PTPRN2: variants seen among roughly 807,000 people sequenced by gnomAD.
The protein encoded by PTPRN2 is protein tyrosine phosphatase receptor type N2.
Under a neutral mutation model 118.8 loss-of-function variants are expected in PTPRN2, and 74 were observed. The ratio of observed to expected loss-of-function variants is 0.62; its 90% CI spans 0.52 to 0.76. The LOEUF (loss-of-function observed/expected upper bound fraction) is 0.76. Ranked by LOEUF, PTPRN2 falls within the 30% of genes least tolerant of loss-of-function variation. The pLI is 0.00. For synonymous variants in PTPRN2, 641 were observed against 608.0 expected, an observed-to-expected ratio of 1.05 and a Z score of -0.80; for missense variants, 1,481 against 1,394.4, an observed-to-expected ratio of 1.06 and a Z score of -0.99.
chr7:157,800,933 C>T (rs1051281368), intron 12 of PTPRN2, among the ~76,000 whole-genome samples: 2 of 151,308 alleles, frequency 1.3e-5, no homozygotes, highest in Non-Finnish European at 2.9e-5. Flanking sequence ...GCCTGGGCAA[C>T]AGAGAGAGAC....
intron 12 of PTPRN2, among the ~76,000 whole-genome samples, chr7:157,704,707 T>C (rs1024576180): frequency 2.0e-5 from 3 of 152,336 alleles, no homozygotes; most frequent in African/African-American, 7.2e-5. Context: ...CAGGAACCAC[T>C]GGAGTCAGAA....
At chr7:157,734,830 G>A (rs1800206778) in intron 12 of PTPRN2, among the ~76,000 whole-genome samples, 1 of 152,224 alleles carries the variant, frequency 6.6e-6, no homozygotes, top group Non-Finnish European at 1.5e-5. Context: ...CAGCAGGGCA[G>A]CCAGCCAGAG....
At chr7:158,458,574 G>A (rs147083091) in intron 2 of PTPRN2, among the ~76,000 whole-genome samples, 1,861 of 152,130 alleles carry the variant, frequency 0.012, 33 homozygotes, top group African/African-American at 0.042. Flanking sequence ...GTCGACCGCC[G>A]GAGCCCTGAC....
At chr7:158,137,435 A>G (rs1365191076) in intron 7 of PTPRN2, among the ~76,000 whole-genome samples, 3 of 152,124 alleles carry the variant, frequency 2.0e-5, no homozygotes, top group South Asian at 4.1e-4. Flanking sequence ...AAATAAAATA[A>G]TAAATAAATT....
Position 157,990,335 on chromosome 7 carries a change from C to T in PTPRN2, c.1723+90963G>A, listed in dbSNP as rs1489336998. Among the ~76,000 whole-genome samples, 2 of 152,010 alleles carry T rather than the reference C, an allele frequency of 1.3e-5. No individual in the cohort carries two copies. Among genetic ancestry groups the T allele is most frequent in the Admixed American group, 6.6e-5 (1 of 15,262 alleles). ...TGACCTGGAGCACAGAGGGGAGGGACGGGGACAGGTGCAGCAGAGATTGGG... is the reference window on the plus strand; with the variant it reads ...TGACCTGGAGCACAGAGGGGAGGGATGGGGACAGGTGCAGCAGAGATTGGG... On this transcript the variant is annotated intron_variant, in intron 11 of 22. Transcript: ENST00000389418. This position sits in a 1 kb window ranked among gnomAD's most constrained non-coding sequence, Gnocchi z 4.3.
chr7:157,742,242 G>A (rs58271818), intron 12 of PTPRN2, among the ~76,000 whole-genome samples: 14,606 of 152,168 alleles, frequency 0.096, 745 homozygotes, highest in South Asian at 0.17. Flanking sequence ...CTGGGGTAAC[G>A]CGTTATTTAC....
At chr7:158,310,695 C>G (rs919130227) in intron 3 of PTPRN2, among the ~76,000 whole-genome samples, 1 of 151,238 alleles carries the variant, frequency 6.6e-6, no homozygotes, top group African/African-American at 2.4e-5. Context: ...GCAAGTCCCA[C>G]GGAGGGCGAG....
intron 11 of PTPRN2, among the ~76,000 whole-genome samples, chr7:158,033,015 G>A (rs539730996): frequency 3.5e-4 from 53 of 151,882 alleles, no homozygotes; most frequent in African/African-American, 1.1e-3. Context: ...TCTGTAAGTC[G>A]CTCACTGATG....
chr7:157,809,271 C>T (rs576952037), intron 12 of PTPRN2, among the ~76,000 whole-genome samples: 23 of 150,984 alleles, frequency 1.5e-4, no homozygotes, highest in Admixed American at 9.2e-4. Flanking sequence ...GGAAGGAGCC[C>T]GGCACCACCC....
At chr7:158,214,646 A>G (rs1262555436) in intron 3 of PTPRN2, among the ~76,000 whole-genome samples, 2 of 152,172 alleles carry the variant, frequency 1.3e-5, no homozygotes, top group African/African-American at 4.8e-5. Flanking sequence ...AGGTAGTGTC[A>G]GAGAAGGCCA....
intron 12 of PTPRN2, among the ~76,000 whole-genome samples, chr7:157,712,673 C>T (rs924767957): frequency 9.0e-5 from 13 of 144,190 alleles, no homozygotes; most frequent in Admixed American, 1.5e-4. Context: ...ATTGCTTGAA[C>T]GGAGGAGGTG....
chr7:158,344,898 C>T (rs1360961156), intron 2 of PTPRN2, among the ~76,000 whole-genome samples: 1 of 152,174 alleles, frequency 6.6e-6, no homozygotes, highest in Non-Finnish European at 1.5e-5. Context: ...TGCACATGTC[C>T]TGTCAGCCCT....
chr7:157,804,508 C>T (rs1033313318), intron 12 of PTPRN2, among the ~76,000 whole-genome samples: 2 of 148,730 alleles, frequency 1.3e-5, no homozygotes, highest in Non-Finnish European at 2.9e-5. Flanking sequence ...AGCCAAAAAG[C>T]TCTAGATGAT....
intron 2 of PTPRN2, among the ~76,000 whole-genome samples, chr7:158,348,929 C>T (rs1324846661): frequency 7.4e-6 from 1 of 134,402 alleles, no homozygotes; most frequent in Non-Finnish European, 1.6e-5. Flanking sequence ...GTCACTGCAC[C>T]CCTGGGTGGT....
Position 157,967,017 on chromosome 7 carries a change from G to A in PTPRN2, c.1724-68280C>T, listed in dbSNP as rs149983500. On this transcript the variant is annotated intron_variant, in intron 11 of 22. Transcript: ENST00000389418. ...TGTAACAAATCACCACAAACTTAGT[G>A]GCTTAAAAAACCCACAGGCTGGCTG... Among the ~76,000 whole-genome samples the A allele has an allele frequency of 1.4e-4, 21 of 152,320 alleles. No homozygotes were observed. In the East Asian group the frequency reaches 3.9e-3, roughly 28 times the overall value.
At chr7:158,531,473 C>T (rs116932276) in intron 1 of PTPRN2, among the ~76,000 whole-genome samples, 1,606 of 152,346 alleles carry the variant, frequency 0.011, 15 homozygotes, top group Middle Eastern at 0.041. Flanking sequence ...CCTGAGAGAA[C>T]GACCCAGGGC....
intron 12 of PTPRN2, among the ~76,000 whole-genome samples, chr7:157,842,043 T>A (rs1363821071): frequency 6.6e-6 from 1 of 152,212 alleles, no homozygotes; most frequent in Non-Finnish European, 1.5e-5. Flanking sequence ...GAAAGTATCT[T>A]AGACCTCCCA....
intron 11 of PTPRN2, among the ~76,000 whole-genome samples, chr7:158,016,775 G>T (rs1806490001): frequency 6.6e-6 from 1 of 152,056 alleles, no homozygotes. Flanking sequence ...TACCAATTAG[G>T]TTTTTTTTAT....
In PTPRN2 at chr7:158,041,845, C is replaced by T. The variant is rs550098704; in HGVS notation, c.1723+39453G>A. ...AGTCTTTGCTGTCATTGACATGTGA[C>T]CCTTCCCAATCACACTTCTTCCTAC... On this transcript the variant is annotated intron_variant, in intron 11 of 22. Coordinates refer to ENST00000389418, the MANE Select transcript of PTPRN2 (RefSeq NM_002847.5). Among the ~76,000 whole-genome samples, 11 of 152,284 alleles carry T rather than the reference C, an allele frequency of 7.2e-5. No individual in the cohort carries two copies. In the South Asian group the frequency reaches 2.3e-3, roughly 32 times the overall value.
Sources: allele counts gnomAD v4.1 joint callset (sites outside exome capture counted in the v4.1 genomes callset), GRCh38; gene constraint gnomAD v4.1.1; non-coding constraint Gnocchi (gnomAD v3.1); transcripts MANE v1.5; gene names NCBI Gene and HGNC (gene_info 2026-07-23, HGNC 2026-07-21).